The following BSG variants were observed in gnomAD, a reference collection of about 807,000 sequenced individuals.
The protein encoded by BSG is basigin (Ok blood group), also known as basigin.
BSG carries 37 observed loss-of-function variants against 43.1 expected under a neutral mutation model. The observed-to-expected ratio is 0.86, with a 90% confidence interval of 0.66 to 1.13. The LOEUF is 1.13. Among genes scored for constraint, BSG ranks in the 50% most tolerant of loss-of-function variants. BSG has a pLI of 0.00. For synonymous variants in BSG, 309 were observed against 238.7 expected (o/e 1.29, Z -2.72); for missense variants, 599 against 554.2 (o/e 1.08, Z -0.81).
rs760173898 is a variant in BSG at position 582,345 on chromosome 19, T to G, written c.1094+15T>G. On this transcript the variant is annotated intron_variant, in intron 7 of 8. Transcript: ENST00000333511. ...TCTGCACCCCTGTAAGTTCCAGCTG[T>G]GGGGGTCGGGGGTCCCAAGGAGCGG... The G allele has an allele frequency of 2.4e-5, 38 of 1,583,360 alleles. No individual in the cohort carries two copies. The Admixed American group carries it at 6.6e-4, about 27-fold the overall frequency.
At chr19:576,003 G>A (rs1477714220) in intron 1 of BSG, among the ~76,000 whole-genome samples, 4 of 152,222 alleles carry the variant, frequency 2.6e-5, no homozygotes, top group Non-Finnish European at 1.5e-5. Flanking sequence ...CATCCGGAGG[G>A]ACACAGGGTT....
intron 1 of BSG, 46 bp from the exon 2 acceptor site, chr19:577,728 A>G (rs1376874501): frequency 1.5e-6 from 2 of 1,319,834 alleles, no homozygotes; most frequent in Admixed American, 3.6e-5. Context: ...CTGCCCTCCC[A>G]AGTGCCCCAG....
chr19:572,469 T>C (rs1600470698), upstream of BSG: 8 of 1,166,398 alleles, frequency 6.9e-6, no homozygotes, highest in East Asian at 1.2e-4. Flanking sequence ...TGCGAGCGTG[T>C]GCGCGCGTGC....
intron 3 of BSG, 43 bp downstream of exon 3, chr19:579,699 C>A: frequency 4.5e-6 from 7 of 1,568,652 alleles, no homozygotes; most frequent in Non-Finnish European, 6.0e-6. Flanking sequence ...CCCCTTCTCA[C>A]GGCTCTCTTG....
intron 1 of BSG, among the ~76,000 whole-genome samples, chr19:576,993 G>A (rs1174063367): frequency 2.0e-5 from 3 of 151,160 alleles, no homozygotes; most frequent in Non-Finnish European, 2.9e-5. Context: ...AGCGGTGCCT[G>A]GGGAGTCTGA....
chr19:581,873 T>C (rs1982357756), intron 6 of BSG, among the ~76,000 whole-genome samples: 1 of 152,246 alleles, frequency 6.6e-6, no homozygotes. Flanking sequence ...GCCAGTGTCC[T>C]CCGTGGTGAG....
intron 1 of BSG, among the ~76,000 whole-genome samples, chr19:573,505 T>C (rs1981478920): frequency 6.6e-6 from 1 of 152,170 alleles, no homozygotes; most frequent in African/African-American, 2.4e-5. Context: ...GCGTCTTGCC[T>C]AGGGCGTGCA....
intron 7 of BSG, 45 bp from the exon 8 acceptor site, chr19:582,469 G>A (rs1157018339): frequency 1.2e-6 from 2 of 1,602,790 alleles, no homozygotes; most frequent in Non-Finnish European, 1.7e-6. Context: ...CTTGGAGAGA[G>A]TGACTTGCGG....
At position 580,794 on chromosome 19, in the gene BSG, A is replaced by G. The variant is rs1246498872; in HGVS notation, c.792+12A>G. On this transcript the variant is annotated intron_variant, in intron 5 of 8. Coordinates refer to ENST00000333511, the MANE Select transcript of BSG (RefSeq NM_001728.4). ...ACTCTGAGGACAAGGTGAGAAGCCA[A>G]GGAGGCTGGGGGTCCTGGACCCAGC... 3 of 1,612,508 alleles carry G rather than the reference A, an allele frequency of 1.9e-6. No homozygotes were observed. Among genetic ancestry groups the G allele is most frequent in the Non-Finnish European group, 2.5e-6 (3 of 1,179,852 alleles).
At chr19:574,330 G>C (rs1010604096) in intron 1 of BSG, among the ~76,000 whole-genome samples, 4 of 151,618 alleles carry the variant, frequency 2.6e-5, no homozygotes, top group Non-Finnish European at 4.4e-5. Flanking sequence ...GAGGCGGGCG[G>C]ATCACGAGGT....
intron 2 of BSG, chr19:578,740 T>G: frequency 3.5e-6 from 1 of 281,994 alleles, no homozygotes; most frequent in South Asian, 3.1e-5. Flanking sequence ...GGCTATTTTT[T>G]TTTTTTTTCC....
At chr19:572,332 G>C (rs1568345334), upstream of BSG, 2 of 1,002,040 alleles carry the variant, frequency 2.0e-6, no homozygotes, top group Non-Finnish European at 2.4e-6. Context: ...TTTGAAAGCA[G>C]GAAGGAAGAA....
chr19:582,485 A>G (rs1309886444), intron 7 of BSG, 29 bp from the exon 8 acceptor site: 1 of 1,604,538 alleles, frequency 6.2e-7, no homozygotes, highest in Non-Finnish European at 8.5e-7. Context: ...TGCGGGGGAC[A>G]CCCTCTCACC....
At position 576,157 on chromosome 19, in the gene BSG, C is replaced by G. The variant is rs547646500; in HGVS notation, c.68-1617C>G. 3.9e-5 allele frequency among the ~76,000 whole-genome samples: 6 copies of G among 152,370 alleles called. No homozygotes were observed. The East Asian group carries it at 7.7e-4, about 20-fold the overall frequency. On this transcript the variant is annotated intron_variant, in intron 1 of 8. Transcript: ENST00000333511. The stretch of plus-strand genomic sequence containing the variant: ...AAGGTGGCTGGGGGCAGCTCGGCTG[C>G]GGGCCCCACCTGGTCCTCCTCACTT...
In BSG at chr19:581,357, T is replaced by C; in HGVS notation, c.835T>C (p.Ser279Pro). The change falls in exon 6 of 9, where the codon TCG becomes CCG. Residue 279 changes from serine to proline, a missense_variant. Transcript: ENST00000333511. The part of the protein sequence containing the change: ...GSESRFFVSS[S>P]QGRSELHIEN... Reference sequence around the variant, plus strand: ...CGAGAGCAGGTTCTTCGTGAGTTCCTCGCAGGGCCGGTCAGAGCTACACAT... The same window carrying C: ...CGAGAGCAGGTTCTTCGTGAGTTCCCCGCAGGGCCGGTCAGAGCTACACAT... 1 of 1,612,786 alleles carries C rather than the reference T, an allele frequency of 6.2e-7. No individual in the cohort carries two copies. Among genetic ancestry groups the C allele is most frequent in the Non-Finnish European group, 8.5e-7 (1 of 1,179,912 alleles).
intron 2 of BSG, among the ~76,000 whole-genome samples, chr19:578,540 C>A (rs1172571129): frequency 6.6e-6 from 1 of 152,234 alleles, no homozygotes; most frequent in Non-Finnish European, 1.5e-5. Flanking sequence ...AAGGGATTTT[C>A]AAATTTCAAT....
chr19:582,164 C>T, intron 6 of BSG, 142 bp from the exon 7 acceptor site: 5 of 1,040,138 alleles, frequency 4.8e-6, no homozygotes, highest in Non-Finnish European at 7.1e-6. Flanking sequence ...GTGGCCGGGG[C>T]TGATGAGCTG....
Position 577,773 on chromosome 19 carries a change from G to T in BSG, c.68-1G>T. ...AGACCCCACGCGTGCTCTCCCCACA[G>T]CCGGCTTCGTCCAGGCGCCGCTGTC... On this transcript the variant is annotated splice_acceptor_variant, in intron 1 of 8. Coordinates refer to ENST00000333511, the MANE Select transcript of BSG (RefSeq NM_001728.4). LOFTEE classifies it high-confidence loss of function. 1 of 1,413,360 alleles carries T rather than the reference G, an allele frequency of 7.1e-7. No individual in the cohort carries two copies. The highest frequency in any genetic ancestry group is 1.6e-5 in the South Asian group (1 of 61,610). 87.6% of individuals were successfully genotyped at this position (1,413,360 alleles called of 1,614,324 possible). A position where few individuals can be genotyped will look rare whatever the true frequency, so the allele number is the denominator to read the frequency against.
chr19:571,384 T>G (rs1981220726), upstream of BSG: 3 of 623,338 alleles, frequency 4.8e-6, no homozygotes, highest in Admixed American at 5.5e-5. Context: ...CAACACACAC[T>G]TTCAACCTCC....
Sources: allele counts gnomAD v4.1 joint callset (sites outside exome capture counted in the v4.1 genomes callset), GRCh38; gene constraint gnomAD v4.1.1; transcripts MANE v1.5; gene names NCBI Gene and HGNC (gene_info 2026-07-23, HGNC 2026-07-21).